The following AP2B1 variants were observed in gnomAD, a reference collection of about 807,000 sequenced individuals.
AP2B1 encodes the protein adaptor related protein complex 2 subunit beta 1.
AP2B1 carries 23 observed loss-of-function variants against 102.0 expected under a neutral mutation model. The ratio of observed to expected loss-of-function variants is 0.23; its 90% CI spans 0.16 to 0.32. AP2B1 has a LOEUF of 0.32. Among genes scored for constraint, AP2B1 ranks in the 10% least tolerant of loss-of-function variants. The pLI is 1.00. For synonymous variants in AP2B1, 381 were observed against 421.2 expected (o/e 0.90, Z 1.17); for missense variants, 541 against 1,157.4 (o/e 0.47, Z 7.73).
Position 35,674,377 on chromosome 17 carries a change from A to T in AP2B1, c.2324+56A>T. The T allele has an allele frequency of 5.7e-6, 9 of 1,592,392 alleles. No individual in the cohort carries two copies. In the South Asian group the frequency reaches 7.8e-5, roughly 14 times the overall value. ...GAGACAACAGTTTGCCTTAGAACCA[A>T]CAAGAGAACATTCCATTTAGCACTG... is the stretch of plus-strand genomic sequence containing the variant. On this transcript the variant is annotated intron_variant, in intron 17 of 21. Transcript: ENST00000610402.
At chr17:35,609,513 A>T (rs1020933070) in intron 5 of AP2B1, among the ~76,000 whole-genome samples, 14 of 151,886 alleles carry the variant, frequency 9.2e-5, no homozygotes, top group Admixed American at 7.2e-4. Context: ...CGCCTGGCTA[A>T]TTTTTTGTAT....
At position 35,679,615 on chromosome 17, in the gene AP2B1, G is replaced by A. The variant is rs1402680278; in HGVS notation, c.2325-3080G>A. On this transcript the variant is annotated intron_variant, in intron 17 of 21. Coordinates refer to ENST00000610402, the MANE Select transcript of AP2B1 (RefSeq NM_001030006.2). ...TAGTTTTGGAGAAGGTGAAATTACA[G>A]CTTTATAGGGACTTTTTCCCCCTTG... Among the ~76,000 whole-genome samples the A allele has an allele frequency of 4.6e-5, 7 of 152,048 alleles. No homozygotes were observed. In the East Asian group the frequency reaches 1.4e-3, roughly 29 times the overall value.
chr17:35,724,498 C>T lies in AP2B1; in HGVS notation c.*799C>T, dbSNP rs1419424961. The T allele has an allele frequency of 1.3e-5, 2 of 152,188 alleles. No individual in the cohort carries two copies. The highest frequency in any genetic ancestry group is 4.8e-5 in the African/African-American group (2 of 41,442). The allele number at this position is 152,188 out of a possible 1,614,324, so 9.4% of individuals were successfully genotyped here. A position where few individuals can be genotyped will look rare whatever the true frequency, so the allele number is the denominator to read the frequency against. ...CTTTCCCCTGAACAAACCTGCTAAT[C>T]CCACTAATTCAGGAATTTGAGTAGA... On this transcript the variant is annotated 3_prime_UTR_variant, in exon 22 of 22. Transcript: ENST00000610402.
intron 5 of AP2B1, among the ~76,000 whole-genome samples, chr17:35,615,610 C>CTTTAT (rs774451496): frequency 6.6e-6 from 1 of 152,134 alleles, no homozygotes; most frequent in Non-Finnish European, 1.5e-5. Context: ...AATGACTTAA[C>CTTTAT]TTTATTTAGT....
intron 20 of AP2B1, 94 bp downstream of exon 20, chr17:35,710,414 C>A: frequency 1.2e-6 from 1 of 816,036 alleles, no homozygotes; most frequent in South Asian, 1.7e-5. Flanking sequence ...TTTTATCCTC[C>A]CCCGTATCTA....
intron 18 of AP2B1, among the ~76,000 whole-genome samples, chr17:35,697,432 C>T (rs984512968): frequency 1.5e-4 from 23 of 152,130 alleles, no homozygotes; most frequent in Admixed American, 5.2e-4. Context: ...CCTAAAGAGC[C>T]TTAGACTATT....
chr17:35,655,101 T>C (rs752144227), intron 13 of AP2B1, among the ~76,000 whole-genome samples: 7 of 152,198 alleles, frequency 4.6e-5, no homozygotes, highest in Non-Finnish European at 1.0e-4. Flanking sequence ...GTCAGTGGAT[T>C]ATTCCGGTCT....
chr17:35,724,051 A>G lies in AP2B1; in HGVS notation c.*352A>G, dbSNP rs2085477349. The G allele has an allele frequency of 4.5e-6, 1 of 223,958 alleles. No individual in the cohort carries two copies. The highest frequency in any genetic ancestry group is 8.9e-6 in the Non-Finnish European group (1 of 111,830). 13.9% of individuals were successfully genotyped at this position (223,958 alleles called of 1,614,324 possible). On this transcript the variant is annotated 3_prime_UTR_variant, in exon 22 of 22. Coordinates refer to ENST00000610402, the MANE Select transcript of AP2B1 (RefSeq NM_001030006.2). ...GAGAGCTCATTTCAAAAGCAGAAAA[A>G]GACAACAAATATTAAAGCAAGGAAA...
chr17:35,608,834 G>T (rs2073771841), intron 5 of AP2B1, among the ~76,000 whole-genome samples: 1 of 152,178 alleles, frequency 6.6e-6, no homozygotes, highest in Non-Finnish European at 1.5e-5. Flanking sequence ...ATTATTTTTA[G>T]CCAACTTGGT....
At chr17:35,619,388 A>G (rs1049001092) in intron 5 of AP2B1, among the ~76,000 whole-genome samples, 1 of 152,140 alleles carries the variant, frequency 6.6e-6, no homozygotes, top group African/African-American at 2.4e-5. Flanking sequence ...CACACCTGTA[A>G]TATTAGCACT....
At chr17:35,660,196 A>G (rs1304100923) in intron 14 of AP2B1, 4 of 504,684 alleles carry the variant, frequency 7.9e-6, no homozygotes, top group Non-Finnish European at 1.0e-5. Flanking sequence ...GCGTAGGCTC[A>G]TCTTGAACTC....
In AP2B1 at chr17:35,627,247, T is replaced by G. The variant is rs1023276806; in HGVS notation, c.939-138T>G. The stretch of plus-strand genomic sequence containing the variant: ...GAGGCGTATAGAGGAAGTTTATGCT[T>G]TTTTTTTTTTTTTTTTTTTTTTGCC... On this transcript the variant is annotated intron_variant, in intron 7 of 21. Transcript: ENST00000610402. 9 of 202,856 alleles carry G rather than the reference T, an allele frequency of 4.4e-5. No individual in the cohort carries two copies. In the Admixed American group the frequency reaches 6.0e-4, roughly 14 times the overall value. The allele number at this position is 202,856 out of a possible 1,614,324, so 12.6% of individuals were successfully genotyped here.
intron 18 of AP2B1, among the ~76,000 whole-genome samples, chr17:35,701,699 C>T (rs953345733): frequency 1.3e-5 from 2 of 152,134 alleles, no homozygotes; most frequent in African/African-American, 4.8e-5. Context: ...AACTCCTGGA[C>T]CCCTATCCTC....
At chr17:35,685,753 A>T (rs1005276951) in intron 18 of AP2B1, among the ~76,000 whole-genome samples, 1 of 152,124 alleles carries the variant, frequency 6.6e-6, no homozygotes, top group African/African-American at 2.4e-5. Flanking sequence ...AATTTAAAAG[A>T]TACCATTCAT....
chr17:35,708,542 C>T (rs587638561), intron 18 of AP2B1, among the ~76,000 whole-genome samples: 6 of 151,970 alleles, frequency 3.9e-5, no homozygotes, highest in African/African-American at 1.2e-4. Context: ...TTTATTTGCT[C>T]GCTTAAAGGT....
At chr17:35,604,181 C>T (rs2073584133) in intron 3 of AP2B1, among the ~76,000 whole-genome samples, 1 of 152,064 alleles carries the variant, frequency 6.6e-6, no homozygotes, top group Admixed American at 6.5e-5. Context: ...GTTCGTGGCT[C>T]ACTGCAGCCT....
At position 35,592,539 on chromosome 17, in the gene AP2B1, C is replaced by CTATT. The variant is rs915096702; in HGVS notation, c.-23-1451_-23-1448dup. Among the ~76,000 whole-genome samples, 78 of 151,494 alleles carry CTATT rather than the reference C, an allele frequency of 5.1e-4. No homozygotes were observed. In the Middle Eastern group the frequency reaches 0.014, roughly 27 times the overall value. ...GAGCCACCGCGCCTGGCCCAAATTC[C>CTATT]TATTTATTTATTTATTTATTTGAGA... On this transcript the variant is annotated intron_variant, in intron 1 of 21. Coordinates refer to ENST00000610402, the MANE Select transcript of AP2B1 (RefSeq NM_001030006.2).
At chr17:35,651,306 T>C (rs925713798) in intron 13 of AP2B1, among the ~76,000 whole-genome samples, 14 of 152,176 alleles carry the variant, frequency 9.2e-5, no homozygotes, top group African/African-American at 2.9e-4. Flanking sequence ...CTGACTTCTA[T>C]GTGGACTTAG....
At chr17:35,653,451 T>G (rs1440922798) in intron 13 of AP2B1, among the ~76,000 whole-genome samples, 1 of 152,254 alleles carries the variant, frequency 6.6e-6, no homozygotes, top group East Asian at 1.9e-4. Flanking sequence ...CTTGGTTTTG[T>G]TTTTGTTTGT....
Sources: gnomAD v4.1 joint callset for allele counts (sites outside exome capture counted in the v4.1 genomes callset) on GRCh38, gnomAD v4.1.1 for gene constraint, MANE v1.5 for transcripts, NCBI Gene and HGNC (gene_info 2026-07-23, HGNC 2026-07-21) for gene names.